TENM2: variants seen among roughly 807,000 people sequenced by gnomAD.
TENM2 encodes teneurin-2.
A neutral mutation model predicts 245.2 loss-of-function variants in TENM2; 52 were observed. The ratio of observed to expected loss-of-function variants is 0.21; its 90% CI spans 0.17 to 0.27. The LOEUF is 0.27. Among genes scored for constraint, TENM2 ranks in the 10% least tolerant of loss-of-function variants. The pLI is 1.00. For synonymous variants in TENM2, 1,363 were observed against 1,438.9 expected (o/e 0.95, Z 1.19); for missense variants, 3,046 against 3,666.8 (o/e 0.83, Z 4.37).
intron 2 of TENM2, among the ~76,000 whole-genome samples, chr5:167,846,529 T>C (rs1770055174): frequency 6.6e-6 from 1 of 152,170 alleles, no homozygotes; most frequent in Admixed American, 6.6e-5. Context: ...CTGGGGAGTC[T>C]TTTTTAGAAT....
At chr5:167,537,788 T>C (rs1771944870) in intron 2 of TENM2, among the ~76,000 whole-genome samples, 1 of 152,170 alleles carries the variant, frequency 6.6e-6, no homozygotes, top group African/African-American at 2.4e-5. Context: ...TAGCTTGAAA[T>C]GTAGAAGGAT....
At chr5:167,390,155 C>T (rs1317140164) in intron 2 of TENM2, among the ~76,000 whole-genome samples, 4 of 152,194 alleles carry the variant, frequency 2.6e-5, no homozygotes, top group Non-Finnish European at 5.9e-5. Flanking sequence ...TGGGATAGAA[C>T]ACCAAATGTA....
At chr5:167,113,672 G>A in the TENM2 span, among the ~76,000 whole-genome samples, 1 of 151,566 alleles carries the variant, frequency 6.6e-6, no homozygotes, top group South Asian at 2.1e-4. Flanking sequence ...TTAAATACAT[G>A]GGAAATGTCA....
the TENM2 span, among the ~76,000 whole-genome samples, chr5:167,133,411 A>G: frequency 2.6e-5 from 4 of 152,186 alleles, no homozygotes; most frequent in African/African-American, 9.7e-5. Flanking sequence ...GGTTCGTCAT[A>G]TCTGACCACT....
intron 5 of TENM2, among the ~76,000 whole-genome samples, chr5:168,045,375 G>A (rs1297308154): frequency 6.6e-6 from 1 of 152,246 alleles, no homozygotes; most frequent in Non-Finnish European, 1.5e-5. Flanking sequence ...TTGCAGGGAT[G>A]TCTCTTCCTG....
chr5:167,199,215 TA>T, the TENM2 span, among the ~76,000 whole-genome samples: 1 of 150,676 alleles, frequency 6.6e-6, no homozygotes, highest in Admixed American at 6.6e-5. Flanking sequence ...TGGCATCACA[TA>T]AATAAGAATT....
At chr5:167,355,171 G>A (rs1299548334) in intron 1 of TENM2, among the ~76,000 whole-genome samples, 4 of 152,276 alleles carry the variant, frequency 2.6e-5, no homozygotes, top group South Asian at 2.1e-4. Flanking sequence ...CAAATTGAAC[G>A]AAGCAGTCTG....
intron 2 of TENM2, among the ~76,000 whole-genome samples, chr5:167,606,830 T>C (rs1464226692): frequency 6.6e-6 from 1 of 152,190 alleles, no homozygotes; most frequent in Non-Finnish European, 1.5e-5. Context: ...AGATTACAGA[T>C]ATCAAAAGGG....
intron 2 of TENM2, among the ~76,000 whole-genome samples, chr5:167,875,698 G>A (rs1773360614): frequency 6.6e-6 from 1 of 152,128 alleles, no homozygotes. Context: ...TAGGACTGTA[G>A]CAGAGGAGGT....
At chr5:167,402,382 G>A (rs1217225514) in intron 2 of TENM2, among the ~76,000 whole-genome samples, 3 of 152,118 alleles carry the variant, frequency 2.0e-5, no homozygotes, top group African/African-American at 7.2e-5. Context: ...ATTTGAGAAT[G>A]CATGGGTTCA....
At chr5:167,490,329 A>G (rs1280648557) in intron 2 of TENM2, among the ~76,000 whole-genome samples, 1 of 152,140 alleles carries the variant, frequency 6.6e-6, no homozygotes, top group Non-Finnish European at 1.5e-5. Flanking sequence ...AGTCTTCCTT[A>G]TTTTTAACAT....
chr5:167,643,067 C>A (rs1039113277), intron 2 of TENM2, among the ~76,000 whole-genome samples: 2 of 152,158 alleles, frequency 1.3e-5, no homozygotes, highest in African/African-American at 4.8e-5. Context: ...ATTGTTAAAT[C>A]ATCTATGTAT....
the TENM2 span, among the ~76,000 whole-genome samples, chr5:167,051,234 C>T: frequency 6.7e-6 from 1 of 150,342 alleles, no homozygotes; most frequent in Admixed American, 6.6e-5. Context: ...AAAAAAAAAG[C>T]AAAAGGCAAA....
At chr5:167,577,317 A>T (rs1263570863) in intron 2 of TENM2, among the ~76,000 whole-genome samples, 2 of 152,198 alleles carry the variant, frequency 1.3e-5, no homozygotes, top group African/African-American at 2.4e-5. Context: ...CCTATGTTGG[A>T]GAGCTTTCGG....
intron 2 of TENM2, among the ~76,000 whole-genome samples, chr5:167,770,846 G>C (rs1763356271): frequency 6.6e-6 from 1 of 152,104 alleles, no homozygotes; most frequent in Non-Finnish European, 1.5e-5. Context: ...CTCAGAGGGG[G>C]GCTTAAAATG....
intron 2 of TENM2, among the ~76,000 whole-genome samples, chr5:167,612,112 T>G (rs1777513628): frequency 6.6e-6 from 1 of 152,120 alleles, no homozygotes; most frequent in African/African-American, 2.4e-5. Flanking sequence ...TTTAGCGAGT[T>G]ACTATTTGAG....
At chr5:168,008,701 CAAAG>C (rs1785007864) in intron 5 of TENM2, among the ~76,000 whole-genome samples, 1 of 152,104 alleles carries the variant, frequency 6.6e-6, no homozygotes, top group Non-Finnish European at 1.5e-5. Flanking sequence ...ACTATCAAGA[CAAAG>C]AAGACAGAAG....
chr5:167,476,427 G>A (rs1383937477), intron 2 of TENM2, among the ~76,000 whole-genome samples: 1 of 152,104 alleles, frequency 6.6e-6, no homozygotes, highest in Non-Finnish European at 1.5e-5. Flanking sequence ...ATTATAAAAT[G>A]TCAAAAAATC....
the TENM2 span, among the ~76,000 whole-genome samples, chr5:167,147,402 C>T: frequency 1.3e-5 from 2 of 152,050 alleles, no homozygotes; most frequent in South Asian, 2.1e-4. Flanking sequence ...TGTGGGTATT[C>T]GGATGTTGAT....
Sources: allele counts gnomAD v4.1 joint callset (sites outside exome capture counted in the v4.1 genomes callset), GRCh38; gene constraint gnomAD v4.1.1; transcripts MANE v1.5; gene names NCBI Gene and HGNC (gene_info 2026-07-23, HGNC 2026-07-21).